The following ZEB1 variants were observed in gnomAD, a reference collection of about 807,000 sequenced individuals.
ZEB1 encodes zinc finger E-box-binding homeobox 1.
A neutral mutation model predicts 84.9 loss-of-function variants in ZEB1; 21 were observed. That is an observed-to-expected ratio of 0.25 (90% CI 0.18 to 0.36). ZEB1 has a LOEUF of 0.36. Among genes scored for constraint, ZEB1 ranks in the 10% least tolerant of loss-of-function variants. The pLI is 1.00. For missense variants in ZEB1, 1,104 were observed against 1,330.2 expected, an observed-to-expected ratio of 0.83 and a Z score of 2.65; for synonymous variants, 420 against 471.1, an observed-to-expected ratio of 0.89 and a Z score of 1.41.
chr10:31,347,084 G>A (rs745605163), intron 1 of ZEB1, among the ~76,000 whole-genome samples: 13 of 152,100 alleles, frequency 8.5e-5, no homozygotes, highest in East Asian at 1.9e-4. Flanking sequence ...GTTTTTTTAT[G>A]TGGTGGGGAG....
intron 1 of ZEB1, among the ~76,000 whole-genome samples, chr10:31,327,099 C>CTTTTTTTTTTTTTT (rs71527629): frequency 4.8e-4 from 41 of 84,932 alleles, no homozygotes; most frequent in African/African-American, 1.0e-3. Flanking sequence ...CTTTTCTTTT[C>CTTTTTTTTTTTTTT]TTTTTTTTTT....
intron 1 of ZEB1, chr10:31,387,152 AAT>A: frequency 1.0e-6 from 1 of 985,788 alleles, no homozygotes. Flanking sequence ...CCACAAGAGG[AAT>A]ATAAAGAGGT....
intron 1 of ZEB1, among the ~76,000 whole-genome samples, chr10:31,421,727 C>CAA (rs2056193927): frequency 6.6e-6 from 1 of 152,080 alleles, no homozygotes; most frequent in African/African-American, 2.4e-5. Context: ...TTGTTCTCTA[C>CAA]CTGGATTGAA....
chr10:31,488,335 GT>G, intron 2 of ZEB1, among the ~76,000 whole-genome samples: 1 of 150,966 alleles, frequency 6.6e-6, no homozygotes, highest in Non-Finnish European at 1.5e-5. Flanking sequence ...ACTTCTTTAG[GT>G]TTATGTTTAC....
chr10:31,439,309 A>C (rs2058637368), intron 1 of ZEB1, among the ~76,000 whole-genome samples: 2 of 152,222 alleles, frequency 1.3e-5, no homozygotes, highest in Non-Finnish European at 2.9e-5. Context: ...ATATGTATGC[A>C]TATTTGCATA....
chr10:31,503,104 T>C (rs1410132703), intron 4 of ZEB1, among the ~76,000 whole-genome samples: 1 of 152,110 alleles, frequency 6.6e-6, no homozygotes, highest in African/African-American at 2.4e-5. Flanking sequence ...AATTTAAAAA[T>C]ATATGTATAT....
chr10:31,446,915 G>A (rs2059859289), intron 1 of ZEB1, among the ~76,000 whole-genome samples: 1 of 152,156 alleles, frequency 6.6e-6, no homozygotes. Context: ...GAGTTCTGTA[G>A]ATGTCTATTA....
intron 1 of ZEB1, among the ~76,000 whole-genome samples, chr10:31,418,023 C>G (rs1428129120): frequency 6.6e-6 from 1 of 151,938 alleles, no homozygotes; most frequent in African/African-American, 2.4e-5. Context: ...TTAGTAGAAG[C>G]AGCCTCTGCA....
intron 1 of ZEB1, among the ~76,000 whole-genome samples, chr10:31,361,888 A>G (rs1434064336): frequency 6.9e-4 from 28 of 40,804 alleles, no homozygotes; most frequent in South Asian, 9.1e-4. Context: ...GACGGCGGCA[A>G]GGCAGGGGCA....
chr10:31,476,313 CA>C (rs1276217537), intron 2 of ZEB1, among the ~76,000 whole-genome samples: 2 of 151,914 alleles, frequency 1.3e-5, no homozygotes, highest in African/African-American at 2.4e-5. Context: ...AAAAGCTCAT[CA>C]GGGGTTACTA....
At chr10:31,514,216 G>A (rs1017661394) in intron 5 of ZEB1, among the ~76,000 whole-genome samples, 18 of 152,052 alleles carry the variant, frequency 1.2e-4, no homozygotes, top group African/African-American at 1.2e-4. Context: ...TTGTGGATGC[G>A]GTTTCTATAT....
intron 1 of ZEB1, among the ~76,000 whole-genome samples, chr10:31,394,974 C>T (rs1350114737): frequency 6.6e-6 from 1 of 152,134 alleles, no homozygotes; most frequent in African/African-American, 2.4e-5. Context: ...CTCCTGGGTC[C>T]TGACTTGGGC....
chr10:31,394,804 G>T (rs2050398668), intron 1 of ZEB1, among the ~76,000 whole-genome samples: 1 of 152,192 alleles, frequency 6.6e-6, no homozygotes, highest in Non-Finnish European at 1.5e-5. Context: ...GGATGGGAGG[G>T]TGTGAATTTA....
At position 31,441,095 on chromosome 10, in the gene ZEB1, C is replaced by T. The variant is rs566983719; in HGVS notation, c.59-19942C>T. On this transcript the variant is annotated intron_variant, in intron 1 of 8. Transcript: ENST00000424869. ...TGGAACCAAAAAAGAGCCCACATTG[C>T]CAAGACAATCCTAAGCCAAAAGAAC... 9.2e-3 allele frequency among the ~76,000 whole-genome samples: 1,404 copies of T among 152,236 alleles called. 21 individuals carry two copies. The highest frequency in any genetic ancestry group is 0.032 in the African/African-American group (1,345 of 41,514).
chr10:31,528,332 T>C lies in ZEB1; in HGVS notation c.*1068T>C, dbSNP rs998602305. 6.6e-6 allele frequency: 1 copy of C among 152,214 alleles called. No homozygotes were observed. The highest frequency in any genetic ancestry group is 1.9e-4 in the East Asian group (1 of 5,204). 9.4% of individuals were successfully genotyped at this position (152,214 alleles called of 1,614,324 possible). Reference sequence around the variant, plus strand: ...TCAATTCCTCGGTATTGATTTTATGTTGATTGATTTTCAGAATTTCTCTAC... The same window carrying C: ...TCAATTCCTCGGTATTGATTTTATGCTGATTGATTTTCAGAATTTCTCTAC... On this transcript the variant is annotated 3_prime_UTR_variant, in exon 9 of 9. Transcript: ENST00000424869.
intron 1 of ZEB1, among the ~76,000 whole-genome samples, chr10:31,455,268 C>G (rs943211717): frequency 6.6e-6 from 1 of 152,156 alleles, no homozygotes; most frequent in Non-Finnish European, 1.5e-5. Flanking sequence ...CAACTCAAGA[C>G]GGATCAAAGA....
At chr10:31,377,412 C>T (rs560193368) in intron 1 of ZEB1, among the ~76,000 whole-genome samples, 1 of 151,668 alleles carries the variant, frequency 6.6e-6, no homozygotes, top group Non-Finnish European at 1.5e-5. Context: ...GAACCTGTTA[C>T]AATTATGAGG....
intron 1 of ZEB1, among the ~76,000 whole-genome samples, chr10:31,410,215 T>G (rs2053980604): frequency 6.6e-6 from 1 of 152,232 alleles, no homozygotes; most frequent in African/African-American, 2.4e-5. Context: ...GTTTTTGGCA[T>G]GAACGGGTGT....
chr10:31,332,145 TA>T (rs1222842085), intron 1 of ZEB1, among the ~76,000 whole-genome samples: 2 of 152,312 alleles, frequency 1.3e-5, no homozygotes, highest in Admixed American at 6.5e-5. Context: ...ATTTGCATAG[TA>T]ATTGCTTCGA....
Sources: allele counts gnomAD v4.1 joint callset (sites outside exome capture counted in the v4.1 genomes callset), GRCh38; gene constraint gnomAD v4.1.1; transcripts MANE v1.5; gene names NCBI Gene and HGNC (gene_info 2026-07-23, HGNC 2026-07-21).